Variants in GATA4 observed in about 807,000 individuals in gnomAD.
GATA4 encodes GATA binding protein 4, also known as transcription factor GATA-4.
Under a neutral mutation model 37.9 loss-of-function variants are expected in GATA4, and 7 were observed. The ratio of observed to expected loss-of-function variants is 0.18; its 90% CI spans 0.11 to 0.35. The LOEUF is 0.35. Among genes scored for constraint, GATA4 ranks in the 10% least tolerant of loss-of-function variants. GATA4 has a pLI of 1.00. For synonymous variants in GATA4, 372 were observed against 292.6 expected (o/e 1.27, Z -2.77); for missense variants, 647 against 653.0 (o/e 0.99, Z 0.10).
At chr8:11,733,600 TGTAA>T (rs1801308808) in intron 2 of GATA4, among the ~76,000 whole-genome samples, 1 of 152,260 alleles carries the variant, frequency 6.6e-6, no homozygotes, top group South Asian at 2.1e-4. Flanking sequence ...TGGAGTAGAA[TGTAA>T]GTGTTATGTG....
chr8:11,681,287 G>A (rs1433892499), intron 1 of GATA4: 32 of 985,312 alleles, frequency 3.2e-5, no homozygotes, highest in Non-Finnish European at 3.9e-5. Context: ...CGCACGCTGA[G>A]GTTCCGGGGA....
chr8:11,692,825 C>A (rs2129984003), intron 1 of GATA4: 6 of 982,270 alleles, frequency 6.1e-6, no homozygotes, highest in Non-Finnish European at 7.2e-6. Flanking sequence ...CCAGGCCGGG[C>A]AGAGGCGGGG....
chr8:11,737,767 A>G (rs1185342420), intron 2 of GATA4, among the ~76,000 whole-genome samples: 2 of 152,216 alleles, frequency 1.3e-5, no homozygotes, highest in Non-Finnish European at 2.9e-5. Flanking sequence ...GGTGGGAGAA[A>G]AGATGCTTTT....
Position 11,708,610 on chromosome 8 carries a change from A to G in GATA4, c.298A>G (p.Thr100Ala), listed in dbSNP as rs891667879. ...SQAGADGAAY[T>A]PPPVSPRFSF... ...GGCGGGAGCCGACGGAGCCGCTTACACCCCGCCGCCGGTGTCGCCGCGCTT... is the reference window on the plus strand; with the variant it reads ...GGCGGGAGCCGACGGAGCCGCTTACGCCCCGCCGCCGGTGTCGCCGCGCTT... Residue 100 changes from threonine (T) to alanine (A), a missense_variant, in exon 2 of 7, where the codon ACC becomes GCC. Physicochemically the swap from Thr to Ala is moderately conservative, Grantham distance 58. Transcript: ENST00000532059. This position sits in a 1 kb window ranked among gnomAD's most constrained non-coding sequence, Gnocchi z 6.7. 4.5e-6 allele frequency: 6 copies of G among 1,340,626 alleles called. No individual in the cohort carries two copies. In the African/African-American group the frequency reaches 9.2e-5, roughly 20 times the overall value. The allele number at this position is 1,340,626 out of a possible 1,614,324, so 83.0% of individuals were successfully genotyped here.
chr8:11,681,302 C>T, intron 1 of GATA4: 1 of 985,442 alleles, frequency 1.0e-6, no homozygotes, highest in Non-Finnish European at 1.2e-6. Flanking sequence ...CGGGGAAGAG[C>T]ACTGTCTTCA....
At chr8:11,753,277 CAGAA>C (rs1802388834) in intron 4 of GATA4, among the ~76,000 whole-genome samples, 1 of 152,002 alleles carries the variant, frequency 6.6e-6, no homozygotes, top group African/African-American at 2.4e-5. Context: ...TCCATAGAGA[CAGAA>C]AGTAGAATGG....
rs1799941136 is a variant in GATA4, at chr8:11,707,459, A to G, written c.-457-397A>G. ...CTTGGGGAGAGATGGGGAACAGAGGAGATGAGAGATTTCTTGGGTCCCAGG... is the reference window on the plus strand; with the variant it reads ...CTTGGGGAGAGATGGGGAACAGAGGGGATGAGAGATTTCTTGGGTCCCAGG... On this transcript the variant is annotated intron_variant, in intron 1 of 6. Transcript: ENST00000532059. The surrounding 1 kb of genome is among the most constrained non-coding windows in gnomAD (Gnocchi z 4.7). Among the ~76,000 whole-genome samples the G allele has an allele frequency of 6.6e-6, 1 of 152,068 alleles. No individual in the cohort carries two copies.
chr8:11,694,481 G>C, intron 1 of GATA4: 3 of 985,394 alleles, frequency 3.0e-6, no homozygotes, highest in Non-Finnish European at 3.6e-6. Context: ...CCGAGCCGTG[G>C]ACTGCATCCT....
intron 2 of GATA4, among the ~76,000 whole-genome samples, chr8:11,744,056 C>A (rs1245659387): frequency 1.3e-5 from 2 of 152,204 alleles, no homozygotes; most frequent in Admixed American, 6.5e-5. Flanking sequence ...GTCAGCCTTG[C>A]TGTCAGTTGG....
chr8:11,755,270 C>T, intron 5 of GATA4, 137 bp downstream of exon 5: 1 of 708,586 alleles, frequency 1.4e-6, no homozygotes, highest in Non-Finnish European at 2.5e-6. Context: ...CCTGGCCTTT[C>T]AGGACAGGAT....
rs541440838 is a variant in GATA4, at chr8:11,705,032, C to G, written c.-458+728C>G. On this transcript the variant is annotated intron_variant, in intron 1 of 6. Transcript: ENST00000532059. Reference sequence around the variant, plus strand: ...TGCCCGGATCCGCCGGGTTATGTCGCTTGGCTTTGGGCTCAGGGGTCACCG... The same window carrying G: ...TGCCCGGATCCGCCGGGTTATGTCGGTTGGCTTTGGGCTCAGGGGTCACCG... 1.5e-4 allele frequency among the ~76,000 whole-genome samples: 23 copies of G among 152,356 alleles called. 1 individual carries two copies. In the East Asian group the frequency reaches 4.4e-3, roughly 29 times the overall value.
upstream of GATA4, among the ~76,000 whole-genome samples, chr8:11,691,424 C>G (rs1341883514): frequency 6.6e-6 from 1 of 152,176 alleles, no homozygotes; most frequent in Admixed American, 6.5e-5. Flanking sequence ...CCTCAGTCCT[C>G]CTGGTAACTG....
chr8:11,702,178 G>C (rs1799699014), upstream of GATA4, among the ~76,000 whole-genome samples: 1 of 152,190 alleles, frequency 6.6e-6, no homozygotes, highest in Non-Finnish European at 1.5e-5. This position sits in a 1 kb window ranked among gnomAD's most constrained non-coding sequence, Gnocchi z 4.4. Context: ...CGCCGCCTGT[G>C]TCCTTGGCTG....
At position 11,708,525 on chromosome 8, in the gene GATA4, C is replaced by A; in HGVS notation, c.213C>A (p.Ser71=). The change falls in exon 2 of 7, where the codon TCC becomes TCA. Residue 71 remains serine (S), a synonymous_variant. Transcript: ENST00000532059. This position sits in a 1 kb window ranked among gnomAD's most constrained non-coding sequence, Gnocchi z 6.7. The part of the protein sequence containing the change: ...SASGGASGGS[S]GGAASGAGPG... The stretch of plus-strand genomic sequence containing the variant: ...CCGGAGGCGCCTCGGGCGGCAGCTC[C>A]GGTGGGGCCGCGTCTGGTGCGGGGC... The A allele has an allele frequency of 6.9e-7, 1 of 1,454,538 alleles. No individual in the cohort carries two copies. Among genetic ancestry groups the A allele is most frequent in the Non-Finnish European group, 9.0e-7 (1 of 1,110,840 alleles). 90.1% of individuals were successfully genotyped at this position (1,454,538 alleles called of 1,614,324 possible). A position where few individuals can be genotyped will look rare whatever the true frequency, so the allele number is the denominator to read the frequency against.
intron 2 of GATA4, among the ~76,000 whole-genome samples, chr8:11,743,308 A>T (rs1342326444): frequency 6.6e-6 from 1 of 152,256 alleles, no homozygotes; most frequent in Non-Finnish European, 1.5e-5. Context: ...AGGGGCGCGT[A>T]TACAGACGCA....
chr8:11,681,710 A>G (rs550364459), intron 1 of GATA4, among the ~76,000 whole-genome samples: 2 of 151,740 alleles, frequency 1.3e-5, no homozygotes, highest in Admixed American at 6.6e-5. Context: ...ATTCTGTTGC[A>G]AAGTTTCCTT....
At chr8:11,754,340 C>G (rs1802448937) in intron 4 of GATA4, among the ~76,000 whole-genome samples, 1 of 152,332 alleles carries the variant, frequency 6.6e-6, no homozygotes, top group African/African-American at 2.4e-5. Context: ...TCTCAGCCTT[C>G]TGAGTAGCTG....
chr8:11,692,760 G>C (rs958675880), intron 1 of GATA4: 5 of 982,634 alleles, frequency 5.1e-6, no homozygotes, highest in Admixed American at 6.2e-5. Context: ...GCGGACGGAC[G>C]GGGGGCGGGA....
upstream of GATA4, among the ~76,000 whole-genome samples, chr8:11,690,637 G>A (rs1391694655): frequency 6.6e-6 from 1 of 152,170 alleles, no homozygotes; most frequent in East Asian, 1.9e-4. Context: ...AAGCAAGAGG[G>A]CAGTGAGAGG....
Sources: gnomAD v4.1 joint callset for allele counts (sites outside exome capture counted in the v4.1 genomes callset) on GRCh38, gnomAD v4.1.1 for gene constraint, Gnocchi (gnomAD v3.1) non-coding constraint, MANE v1.5 for transcripts, NCBI Gene and HGNC (gene_info 2026-07-23, HGNC 2026-07-21) for gene names.